DHRSX: variants seen among roughly 807,000 people sequenced by gnomAD.
The protein encoded by DHRSX is dehydrogenase/reductase X-linked, also known as polyprenol dehydrogenase.
DHRSX carries 31 observed loss-of-function variants against 34.0 expected under a neutral mutation model. That is an observed-to-expected ratio of 0.91 (90% CI 0.69 to 1.23). The LOEUF is 1.23. Ranked by LOEUF, DHRSX falls within the 50% of genes most tolerant of loss-of-function variation. DHRSX has a pLI of 0.00. For synonymous variants in DHRSX, 201 were observed against 183.8 expected (o/e 1.09, Z -0.76); for missense variants, 414 against 428.1 (o/e 0.97, Z 0.29).
chrX:2,254,865 T>A (rs904150622), intron 5 of DHRSX, among the ~76,000 whole-genome samples: 6 of 151,670 alleles, frequency 4.0e-5, no homozygotes, highest in African/African-American at 1.5e-4. Flanking sequence ...AGGATGGTCT[T>A]GATCTCCTGA....
chrX:2,428,026 G>C (rs1011593332), intron 1 of DHRSX, among the ~76,000 whole-genome samples: 14 of 152,242 alleles, frequency 9.2e-5, no homozygotes, highest in Non-Finnish European at 1.6e-4. Flanking sequence ...AGTACCACAT[G>C]TTATCCCTTA....
In DHRSX at chrX:2,315,924, C is replaced by T. The variant is rs1301615031; in HGVS notation, c.287-24321G>A. ...TTGCCTAGGCTGGAGTGCAGTTTCGCGATCTCAGCTCACTGCAACCTCCGC... is the reference window on the plus strand; with the variant it reads ...TTGCCTAGGCTGGAGTGCAGTTTCGTGATCTCAGCTCACTGCAACCTCCGC... On this transcript the variant is annotated intron_variant, in intron 3 of 6. Coordinates refer to ENST00000334651, the MANE Select transcript of DHRSX (RefSeq NM_145177.3). Among the ~76,000 whole-genome samples the T allele has an allele frequency of 9.9e-5, 15 of 152,062 alleles. No homozygotes were observed. In the East Asian group the frequency reaches 1.2e-3, roughly 12 times the overall value.
At chrX:2,426,569 C>G (rs1189303847) in intron 1 of DHRSX, among the ~76,000 whole-genome samples, 1 of 144,154 alleles carries the variant, frequency 6.9e-6, no homozygotes, top group Non-Finnish European at 1.5e-5. Flanking sequence ...TTCCCTCTTT[C>G]TTTTCTTCAT....
rs752123891 is a variant in DHRSX at position 2,455,741 on chromosome X, CAAAA to C, written c.110-30441_110-30438del. On this transcript the variant is annotated intron_variant, in intron 1 of 6. Transcript: ENST00000334651. ...TGGCGACAAGAACAAAACTTCGTCT[CAAAA>C]AAAAAAAAAAAAAAAACAATAAAAA... is the stretch of plus-strand genomic sequence containing the variant. Among the ~76,000 whole-genome samples the C allele has an allele frequency of 7.7e-3, 462 of 59,794 alleles. 7 individuals carry two copies. The highest frequency in any genetic ancestry group is 0.067 in the Admixed American group (384 of 5,746). 39.2% of individuals were successfully genotyped at this position (59,794 alleles called of 152,430 possible). A position where few individuals can be genotyped will look rare whatever the true frequency, so the allele number is the denominator to read the frequency against.
Position 2,221,084 on chromosome X carries a change from G to C in DHRSX, c.950C>G (p.Ser317Cys). 1 of 1,613,928 alleles carries C rather than the reference G, an allele frequency of 6.2e-7. No homozygotes were observed. The highest frequency in any genetic ancestry group is 1.3e-5 in the African/African-American group (1 of 75,036). Reference sequence around the variant, plus strand: ...GACCCCAGTCATCTCACAACTCTTAGACCACAGCTGCTGCTGCAGTTTCTG... The same window carrying C: ...GACCCCAGTCATCTCACAACTCTTACACCACAGCTGCTGCTGCAGTTTCTG... ...YNQKLQQQLW[S>C]KSCEMTGVLD... Residue 317 changes from serine to cysteine, a missense_variant, in exon 7 of 7, where the codon TCT becomes TGT. By Grantham distance (112) the Ser-to-Cys change is moderately radical. Transcript: ENST00000334651.
At chrX:2,263,790 C>T (rs990958951) in intron 5 of DHRSX, among the ~76,000 whole-genome samples, 37 of 152,184 alleles carry the variant, frequency 2.4e-4, no homozygotes, top group African/African-American at 8.4e-4. Flanking sequence ...GGATGACAGG[C>T]GTGAGCCACC....
At chrX:2,460,485 G>A (rs2044387722) in intron 1 of DHRSX, among the ~76,000 whole-genome samples, 1 of 152,022 alleles carries the variant, frequency 6.6e-6, no homozygotes, top group South Asian at 2.1e-4. Context: ...TGGCATGATC[G>A]TAGCTTATGG....
chrX:2,313,409 C>T (rs1244407827), intron 3 of DHRSX, among the ~76,000 whole-genome samples: 2 of 151,696 alleles, frequency 1.3e-5, no homozygotes, highest in Non-Finnish European at 2.9e-5. Context: ...CGCTCTGTCG[C>T]CCAGGCTGGA....
chrX:2,372,336 T>C (rs774909345), intron 3 of DHRSX, among the ~76,000 whole-genome samples: 2 of 152,250 alleles, frequency 1.3e-5, no homozygotes, highest in African/African-American at 4.8e-5. Flanking sequence ...GGATGGAGTT[T>C]TGCTATAGAT....
intron 1 of DHRSX, among the ~76,000 whole-genome samples, chrX:2,452,211 C>CAA (rs879578554): frequency 1.3e-5 from 2 of 151,718 alleles, no homozygotes; most frequent in African/African-American, 4.8e-5. Flanking sequence ...AAGATGTTCC[C>CAA]AAAAAATGTG....
At chrX:2,282,804 A>G (rs1279321260) in intron 4 of DHRSX, among the ~76,000 whole-genome samples, 2 of 64,218 alleles carry the variant, frequency 3.1e-5, no homozygotes, top group Non-Finnish European at 7.3e-5. Context: ...AGAAAGAGAG[A>G]AGAGAGAAAG....
intron 1 of DHRSX, among the ~76,000 whole-genome samples, chrX:2,485,789 AGAAGGGAGAGAAGGAAG>A (rs1228986473): frequency 0.02 from 497 of 25,480 alleles, 3 homozygotes; most frequent in East Asian, 0.051. Flanking sequence ...GAAAAGGGAG[AGAAGGGAGAGAAGGAAG>A]GAAGGGAGAG....
intron 3 of DHRSX, among the ~76,000 whole-genome samples, chrX:2,404,959 T>C (rs1047867295): frequency 6.6e-6 from 1 of 152,240 alleles, no homozygotes. Context: ...CTGCTGCCAC[T>C]CTGTGACATT....
intron 3 of DHRSX, among the ~76,000 whole-genome samples, chrX:2,316,404 T>A (rs776437875): frequency 7.9e-5 from 12 of 152,104 alleles, no homozygotes; most frequent in Middle Eastern, 3.4e-3. Flanking sequence ...ATACAAAAAT[T>A]AGCCAGGCAT....
chrX:2,334,617 C>A (rs2042529672), intron 3 of DHRSX: 2 of 152,094 alleles, frequency 1.3e-5, no homozygotes, highest in Non-Finnish European at 2.9e-5. Context: ...CCATGCCCAG[C>A]TATTTTTGAA....
At chrX:2,432,548 A>C (rs1377972116) in intron 1 of DHRSX, among the ~76,000 whole-genome samples, 2 of 152,204 alleles carry the variant, frequency 1.3e-5, no homozygotes, top group East Asian at 3.9e-4. Flanking sequence ...ATTTCCAAAA[A>C]TAGGCCAACT....
intron 1 of DHRSX, among the ~76,000 whole-genome samples, chrX:2,458,381 C>A (rs1345827865): frequency 6.6e-6 from 1 of 152,146 alleles, no homozygotes; most frequent in Non-Finnish European, 1.5e-5. Flanking sequence ...CATACCTGCA[C>A]CCCCTGTGCA....
chrX:2,337,227 T>C (rs1602967496), intron 3 of DHRSX, among the ~76,000 whole-genome samples: 1 of 152,148 alleles, frequency 6.6e-6, no homozygotes, highest in Non-Finnish European at 1.5e-5. Context: ...TCTTGGTAGA[T>C]GCATTCTCGT....
At chrX:2,438,979 T>C (rs2044030969) in intron 1 of DHRSX, among the ~76,000 whole-genome samples, 1 of 151,742 alleles carries the variant, frequency 6.6e-6, no homozygotes, top group Middle Eastern at 3.2e-3. Flanking sequence ...ACCCTGTCTC[T>C]ACTAAAAACA....
Sources: allele counts gnomAD v4.1 joint callset (sites outside exome capture counted in the v4.1 genomes callset), GRCh38; gene constraint gnomAD v4.1.1; transcripts MANE v1.5; gene names NCBI Gene and HGNC (gene_info 2026-07-23, HGNC 2026-07-21).